KCNIP4: variants seen among roughly 807,000 people sequenced by gnomAD.
The protein encoded by KCNIP4 is potassium voltage-gated channel interacting protein 4, also known as Kv channel-interacting protein 4.
A neutral mutation model predicts 34.0 loss-of-function variants in KCNIP4; 12 were observed. That is an observed-to-expected ratio of 0.35 (90% CI 0.23 to 0.57). The LOEUF is 0.57. Ranked by LOEUF, KCNIP4 falls within the 20% of genes least tolerant of loss-of-function variation. The pLI, the probability that KCNIP4 is intolerant of heterozygous loss-of-function variation, is 0.83. For synonymous variants in KCNIP4, 124 were observed against 102.2 expected, an observed-to-expected ratio of 1.21 and a Z score of -1.29; for missense variants, 238 against 311.7, an observed-to-expected ratio of 0.76 and a Z score of 1.78.
chr4:21,481,200 T>G (rs1731398308), intron 1 of KCNIP4, among the ~76,000 whole-genome samples: 1 of 152,022 alleles, frequency 6.6e-6, no homozygotes, highest in African/African-American at 2.4e-5. Context: ...AATCCTGCAG[T>G]GAGTTCAAGG....
chr4:21,431,653 C>T (rs1726459634), intron 1 of KCNIP4, among the ~76,000 whole-genome samples: 1 of 151,820 alleles, frequency 6.6e-6, no homozygotes, highest in Non-Finnish European at 1.5e-5. Flanking sequence ...TGAGTTAGCA[C>T]TAAAATGATG....
chr4:21,497,921 G>T (rs1732983141), intron 1 of KCNIP4, among the ~76,000 whole-genome samples: 1 of 152,086 alleles, frequency 6.6e-6, no homozygotes, highest in Non-Finnish European at 1.5e-5. Flanking sequence ...AATCTGTACT[G>T]ATATATAAAA....
intron 1 of KCNIP4, among the ~76,000 whole-genome samples, chr4:21,929,407 T>C (rs901867576): frequency 2.0e-5 from 3 of 152,146 alleles, no homozygotes; most frequent in African/African-American, 7.2e-5. Flanking sequence ...ACTGTCTACA[T>C]TCTTCAGTAT....
At chr4:21,576,172 C>T (rs970850515) in intron 1 of KCNIP4, among the ~76,000 whole-genome samples, 6 of 152,138 alleles carry the variant, frequency 3.9e-5, no homozygotes, top group African/African-American at 7.2e-5. Context: ...TTTGTTTCTG[C>T]CCATAGAAGC....
chr4:21,232,084 C>A (rs1758830887), intron 1 of KCNIP4, among the ~76,000 whole-genome samples: 1 of 152,082 alleles, frequency 6.6e-6, no homozygotes, highest in Admixed American at 6.6e-5. Context: ...TCACCACTGC[C>A]GATAAATTGC....
At chr4:21,691,161 A>G (rs1711586188) in intron 1 of KCNIP4, among the ~76,000 whole-genome samples, 1 of 152,226 alleles carries the variant, frequency 6.6e-6, no homozygotes, top group African/African-American at 2.4e-5. Flanking sequence ...TGCTATGAAC[A>G]TATTTCTCCT....
At chr4:21,069,467 T>A (rs1165965332) in intron 1 of KCNIP4, among the ~76,000 whole-genome samples, 1 of 152,222 alleles carries the variant, frequency 6.6e-6, no homozygotes, top group African/African-American at 2.4e-5. Flanking sequence ...TCAAGTGACC[T>A]CAGTCTAGAG....
chr4:21,303,961 CT>C, intron 1 of KCNIP4: 1 of 1,551,574 alleles, frequency 6.4e-7, no homozygotes, highest in East Asian at 2.5e-5. Context: ...CTCTGCCTGG[CT>C]TTCTTTGTAA....
intron 1 of KCNIP4, among the ~76,000 whole-genome samples, chr4:21,590,378 T>A (rs898760211): frequency 6.6e-6 from 1 of 151,872 alleles, no homozygotes; most frequent in Non-Finnish European, 1.5e-5. Context: ...AAAAATAGAT[T>A]GCAGGGCCCC....
At chr4:21,506,529 T>C (rs971217025) in intron 1 of KCNIP4, among the ~76,000 whole-genome samples, 2 of 152,210 alleles carry the variant, frequency 1.3e-5, no homozygotes, top group Non-Finnish European at 2.9e-5. Context: ...AAAGTATACA[T>C]ACAAAACAAC....
At chr4:21,441,486 A>T (rs934002324) in intron 1 of KCNIP4, among the ~76,000 whole-genome samples, 1 of 152,110 alleles carries the variant, frequency 6.6e-6, no homozygotes, top group African/African-American at 2.4e-5. Flanking sequence ...TTCACTCACA[A>T]GAGTCCTAAT....
At chr4:21,504,055 T>C (rs554250169) in intron 1 of KCNIP4, among the ~76,000 whole-genome samples, 1 of 152,200 alleles carries the variant, frequency 6.6e-6, no homozygotes, top group African/African-American at 2.4e-5. Context: ...CACTCTCATT[T>C]ACTGGCTCTA....
intron 1 of KCNIP4, among the ~76,000 whole-genome samples, chr4:21,153,039 T>A (rs773401597): frequency 7.2e-5 from 11 of 152,330 alleles, no homozygotes; most frequent in Middle Eastern, 3.4e-3. Flanking sequence ...TTGATTCAAC[T>A]ATTCCTTACT....
At chr4:21,547,054 C>T (rs576137299) in intron 1 of KCNIP4, among the ~76,000 whole-genome samples, 1 of 152,228 alleles carries the variant, frequency 6.6e-6, no homozygotes, top group Admixed American at 6.5e-5. Flanking sequence ...TGGCTTGGCT[C>T]TTGTGCTGTG....
At chr4:21,492,354 G>C (rs988250167) in intron 1 of KCNIP4, among the ~76,000 whole-genome samples, 4 of 152,076 alleles carry the variant, frequency 2.6e-5, no homozygotes, top group African/African-American at 9.7e-5. Flanking sequence ...CAGTAGCTAG[G>C]ACTACAGACA....
At chr4:21,031,165 C>T (rs1050538630) in intron 1 of KCNIP4, among the ~76,000 whole-genome samples, 2 of 152,220 alleles carry the variant, frequency 1.3e-5, no homozygotes, top group Non-Finnish European at 1.5e-5. Flanking sequence ...CCTTGTTCCC[C>T]ATTCCCACTT....
At chr4:21,556,945 C>T (rs1200367724) in intron 1 of KCNIP4, among the ~76,000 whole-genome samples, 2 of 63,372 alleles carry the variant, frequency 3.2e-5, no homozygotes, top group East Asian at 9.7e-4. Context: ...AAAAAAAAAC[C>T]AGAAAACAAA....
intron 1 of KCNIP4, among the ~76,000 whole-genome samples, chr4:21,105,890 G>C (rs1748472574): frequency 6.6e-6 from 1 of 151,450 alleles, no homozygotes; most frequent in South Asian, 2.1e-4. Flanking sequence ...TTATATGCTG[G>C]ATTACATTTA....
chr4:21,504,039 TC>T (rs1733579608), intron 1 of KCNIP4, among the ~76,000 whole-genome samples: 1 of 152,146 alleles, frequency 6.6e-6, no homozygotes, highest in Non-Finnish European at 1.5e-5. Flanking sequence ...ATGCTCCAAT[TC>T]CAAGCACTCT....
Sources: gnomAD v4.1 joint callset for allele counts (sites outside exome capture counted in the v4.1 genomes callset) on GRCh38, gnomAD v4.1.1 for gene constraint, MANE v1.5 for transcripts, NCBI Gene and HGNC (gene_info 2026-07-23, HGNC 2026-07-21) for gene names.